The following KIAA1217 variants were observed in gnomAD, a reference collection of about 807,000 sequenced individuals.
KIAA1217 encodes the protein sickle tail protein homolog.
KIAA1217 carries 88 observed loss-of-function variants against 163.9 expected under a neutral mutation model. The ratio of observed to expected loss-of-function variants is 0.54; its 90% CI spans 0.45 to 0.64. The LOEUF is 0.64. Among genes scored for constraint, KIAA1217 ranks in the 30% least tolerant of loss-of-function variants. The probability of loss-of-function intolerance (pLI) is 0.00; values close to 1 mark genes in which losing one functional copy is unlikely to be tolerated. For missense variants in KIAA1217, 2,372 were observed against 2,475.0 expected (o/e 0.96, Z 0.88); for synonymous variants, 903 against 923.1 (o/e 0.98, Z 0.39).
intron 3 of KIAA1217, among the ~76,000 whole-genome samples, chr10:24,419,583 G>C (rs2058564984): frequency 6.6e-6 from 1 of 152,120 alleles, no homozygotes; most frequent in African/African-American, 2.4e-5. Context: ...TTAATATGTG[G>C]AAGAGTTTGG....
chr10:24,081,945 T>A (rs2061551510), intron 2 of KIAA1217, among the ~76,000 whole-genome samples: 1 of 152,200 alleles, frequency 6.6e-6, no homozygotes, highest in Non-Finnish European at 1.5e-5. Context: ...GCCCCAGAAG[T>A]GCTTCTTTGA....
chr10:24,399,202 C>T (rs1449258056), intron 3 of KIAA1217, among the ~76,000 whole-genome samples: 1 of 152,196 alleles, frequency 6.6e-6, no homozygotes, highest in Non-Finnish European at 1.5e-5. Flanking sequence ...TGTAAATTAG[C>T]TGATGGTCAT....
At chr10:24,062,750 CA>C (rs1435841248) in intron 2 of KIAA1217, among the ~76,000 whole-genome samples, 1 of 148,880 alleles carries the variant, frequency 6.7e-6, no homozygotes, top group Admixed American at 6.6e-5. Flanking sequence ...TTTACAGTCC[CA>C]CCAACAATGT....
chr10:24,220,663 C>T (rs2069485585), intron 2 of KIAA1217, among the ~76,000 whole-genome samples: 2 of 151,286 alleles, frequency 1.3e-5, no homozygotes, highest in Admixed American at 1.3e-4. Context: ...ATCGTGTTAC[C>T]CAGGATGGTC....
chr10:24,008,548 TG>T (rs1485331160), intron 2 of KIAA1217, among the ~76,000 whole-genome samples: 4 of 152,028 alleles, frequency 2.6e-5, no homozygotes, highest in Non-Finnish European at 5.9e-5. Context: ...GGCATGCGGG[TG>T]CTGGATTTTG....
chr10:24,030,863 C>A (rs1848158951), intron 2 of KIAA1217, among the ~76,000 whole-genome samples: 1 of 152,160 alleles, frequency 6.6e-6, no homozygotes, highest in African/African-American at 2.4e-5. Flanking sequence ...CTTTTTAAGG[C>A]TAAAGAATAT....
At chr10:24,372,095 T>C (rs1314590528) in intron 2 of KIAA1217, among the ~76,000 whole-genome samples, 1 of 152,126 alleles carries the variant, frequency 6.6e-6, no homozygotes, top group Non-Finnish European at 1.5e-5. Context: ...ACCCATTGAA[T>C]ACTACGCTTG....
intron 2 of KIAA1217, among the ~76,000 whole-genome samples, chr10:24,175,034 T>TA (rs1187223366): frequency 2.6e-5 from 4 of 151,498 alleles, no homozygotes; most frequent in Non-Finnish European, 5.9e-5. Flanking sequence ...TTTTTTTTTT[T>TA]TATTTTCAGT....
intron 8 of KIAA1217, among the ~76,000 whole-genome samples, chr10:24,500,267 C>CGT (rs995468879): frequency 5.5e-5 from 5 of 90,972 alleles, no homozygotes; most frequent in East Asian, 6.9e-4. Flanking sequence ...AGTGTGTGTG[C>CGT]GTGTGTGTGT....
At chr10:24,048,929 G>T (rs1217563526) in intron 2 of KIAA1217, among the ~76,000 whole-genome samples, 1 of 150,438 alleles carries the variant, frequency 6.6e-6, no homozygotes, top group East Asian at 2.0e-4. Flanking sequence ...TACTCAGGTG[G>T]CTGAGGCAGG....
At chr10:23,828,458 A>G (rs549715106) in intron 1 of KIAA1217, among the ~76,000 whole-genome samples, 6 of 152,250 alleles carry the variant, frequency 3.9e-5, no homozygotes, top group African/African-American at 1.2e-4. Context: ...TATTACATTG[A>G]TAGTTTGGTT....
chr10:23,702,666 TACACACACACACACACACACACAC>T (rs377621544), intron 1 of KIAA1217, among the ~76,000 whole-genome samples: 1 of 134,326 alleles, frequency 7.4e-6, no homozygotes, highest in Non-Finnish European at 1.6e-5. Flanking sequence ...AACAGGAGAA[TACACACACACACACACACACACAC>T]ACACACACAC....
At chr10:24,059,180 A>C (rs1408931646) in intron 2 of KIAA1217, among the ~76,000 whole-genome samples, 2 of 152,118 alleles carry the variant, frequency 1.3e-5, no homozygotes, top group Admixed American at 1.3e-4. Flanking sequence ...GTATCACATT[A>C]ATTTATTTTT....
intron 2 of KIAA1217, among the ~76,000 whole-genome samples, chr10:24,368,270 T>TAG (rs1461750191): frequency 6.6e-6 from 1 of 152,170 alleles, no homozygotes; most frequent in Non-Finnish European, 1.5e-5. Context: ...AAGAAGGGCA[T>TAG]AGTGAGCTCT....
chr10:23,696,550 T>G (rs2130688148), intron 1 of KIAA1217, among the ~76,000 whole-genome samples: 1 of 152,330 alleles, frequency 6.6e-6, no homozygotes, highest in South Asian at 2.1e-4. Flanking sequence ...CCATACACTT[T>G]ATGGGGCCCA....
At chr10:24,378,071 T>C (rs556736976) in intron 2 of KIAA1217, among the ~76,000 whole-genome samples, 1 of 152,182 alleles carries the variant, frequency 6.6e-6, no homozygotes, top group Admixed American at 6.5e-5. Context: ...AGATTCGCTT[T>C]ATTTTTTTTC....
At chr10:24,453,155 C>T (rs2061512999) in intron 5 of KIAA1217, among the ~76,000 whole-genome samples, 1 of 152,138 alleles carries the variant, frequency 6.6e-6, no homozygotes, top group African/African-American at 2.4e-5. Context: ...AAGACCAGAC[C>T]CTTGTCTCTA....
intron 9 of KIAA1217, among the ~76,000 whole-genome samples, chr10:24,507,342 A>G (rs1280916657): frequency 6.6e-6 from 1 of 152,214 alleles, no homozygotes; most frequent in Non-Finnish European, 1.5e-5. Context: ...AAAATTTGTC[A>G]AGAGAAACCA....
intron 1 of KIAA1217, among the ~76,000 whole-genome samples, chr10:23,810,957 A>ATATAGTATATATTATAGTATAC (rs1837006219): frequency 8.5e-6 from 1 of 117,688 alleles, no homozygotes; most frequent in African/African-American, 3.6e-5. Context: ...ATTATATAAT[A>ATATAGTATATATTATAGTATAC]TATATAGTAT....
Sources: gnomAD v4.1 joint callset for allele counts (sites outside exome capture counted in the v4.1 genomes callset) on GRCh38, gnomAD v4.1.1 for gene constraint, MANE v1.5 for transcripts, NCBI Gene and HGNC (gene_info 2026-07-23, HGNC 2026-07-21) for gene names.